Variants in CGA observed in about 807,000 individuals in gnomAD.
The protein encoded by CGA is glycoprotein hormones alpha chain.
In CGA, 4 loss-of-function variants were observed where a neutral mutation model predicts 12.0. The observed-to-expected ratio is 0.33, with a 90% CI of 0.16 to 0.76. The LOEUF (loss-of-function observed/expected upper bound fraction) is 0.76. Among genes scored for constraint, CGA ranks in the 30% least tolerant of loss-of-function variants. CGA has a pLI of 0.60. For synonymous variants in CGA, 60 were observed against 56.6 expected, an observed-to-expected ratio of 1.06 and a Z score of -0.27; for missense variants, 102 against 143.5, an observed-to-expected ratio of 0.71 and a Z score of 1.48.
chr6:87,087,892 G>A (rs1582319534), intron 2 of CGA: 5 of 335,362 alleles, frequency 1.5e-5, no homozygotes, highest in Non-Finnish European at 2.2e-5. Context: ...AAAATGTATA[G>A]GCTGCTGCAT....
chr6:87,085,767 GATA>G lies in CGA; in HGVS notation c.337_339del (p.Tyr113del), dbSNP rs1429634259. ...ACTTGGTAAAACATTTAAGATTTGT[GATA>G]ATAACAAGTACTGCAGTGGCACGCC... On this transcript the variant is annotated inframe_deletion, in exon 4 of 4. Transcript: ENST00000627148. 6.2e-7 allele frequency: 1 copy of G among 1,609,346 alleles called. No homozygotes were observed. The highest frequency in any genetic ancestry group is 1.7e-5 in the Admixed American group (1 of 59,950).
intron 1 of CGA, 40 bp from the exon 2 acceptor site, chr6:87,088,247 G>C: frequency 8.4e-7 from 1 of 1,188,900 alleles, no homozygotes; most frequent in Non-Finnish European, 1.2e-6. Context: ...ACAAAAAACA[G>C]TTAATCTAAA....
chr6:87,089,898 A>C (rs1391890495), intron 1 of CGA, among the ~76,000 whole-genome samples: 2 of 152,214 alleles, frequency 1.3e-5, no homozygotes, highest in Non-Finnish European at 2.9e-5. Flanking sequence ...AATTACCTTC[A>C]GGCTATGTGT....
chr6:87,088,622 A>C (rs902962927), intron 1 of CGA, among the ~76,000 whole-genome samples: 1 of 152,190 alleles, frequency 6.6e-6, no homozygotes, highest in African/African-American at 2.4e-5. Context: ...TAAAATATAC[A>C]ATCATTTGAT....
rs573675107 is a variant in CGA at position 87,085,739 on chromosome 6, A to G, written c.*17T>C. ...CCAGAAAATCAGCAGTCATCAAGAC[A>G]GCACTTGGTAAAACATTTAAGATTT... On this transcript the variant is annotated 3_prime_UTR_variant, in exon 4 of 4. Coordinates refer to ENST00000627148, the MANE Select transcript of CGA (RefSeq NM_000735.4). 1.3e-6 allele frequency: 2 copies of G among 1,567,742 alleles called. No homozygotes were observed. The highest frequency in any genetic ancestry group is 3.3e-5 in the Admixed American group (2 of 59,780).
chr6:87,090,644 T>G (rs1216187826), intron 1 of CGA, among the ~76,000 whole-genome samples: 1 of 150,046 alleles, frequency 6.7e-6, no homozygotes, highest in Non-Finnish European at 1.5e-5. Context: ...ATAATTTTTT[T>G]TTTGTTTTTT....
rs1019559864 is a variant in CGA, at chr6:87,088,056, G to A, written c.88+57C>T. 5.5e-6 allele frequency: 5 copies of A among 901,660 alleles called. No individual in the cohort carries two copies. The Admixed American group carries it at 7.5e-5, about 13-fold the overall frequency. 55.9% of individuals were successfully genotyped at this position (901,660 alleles called of 1,614,324 possible). On this transcript the variant is annotated intron_variant, in intron 2 of 3. Coordinates refer to ENST00000627148, the MANE Select transcript of CGA (RefSeq NM_000735.4). ...AAATGTAATTAATGGAGTTATTGAT[G>A]TACATCTAGAAATGTGTGTTGTCCT...
chr6:87,094,501 G>A (rs985030227), intron 1 of CGA, among the ~76,000 whole-genome samples: 16 of 152,096 alleles, frequency 1.1e-4, no homozygotes, highest in African/African-American at 7.2e-5. Flanking sequence ...TGAAAACAAC[G>A]ACATTCAAGA....
chr6:87,091,799 C>A lies in CGA; in HGVS notation c.-8+3214G>T, dbSNP rs542899324. Among the ~76,000 whole-genome samples the A allele has an allele frequency of 1.1e-4, 17 of 152,334 alleles. No homozygotes were observed. The East Asian group carries it at 1.2e-3, about 10-fold the overall frequency. ...CCAACCCCAAAGACAAAATAAATAT[C>A]TTTCTCCACTGCACTCACTTATCAC... On this transcript the variant is annotated intron_variant, in intron 1 of 3. Transcript: ENST00000627148.
chr6:87,090,002 T>G (rs544713734), intron 1 of CGA, among the ~76,000 whole-genome samples: 4 of 152,246 alleles, frequency 2.6e-5, no homozygotes, highest in African/African-American at 9.6e-5. Context: ...CAAAAAAAAT[T>G]AAAATCTAAA....
intron 1 of CGA, among the ~76,000 whole-genome samples, chr6:87,094,280 G>C (rs1330009657): frequency 2.0e-5 from 3 of 152,116 alleles, no homozygotes; most frequent in Admixed American, 6.6e-5. Flanking sequence ...GACAAAAAAG[G>C]TCTTTTATTT....
intron 2 of CGA, among the ~76,000 whole-genome samples, chr6:87,087,291 T>G (rs1008889509): frequency 6.6e-6 from 1 of 152,206 alleles, no homozygotes; most frequent in Admixed American, 6.5e-5. Context: ...AAACAAACAT[T>G]TTTTACAGAT....
At chr6:87,094,089 A>G (rs1458213894) in intron 1 of CGA, among the ~76,000 whole-genome samples, 2 of 61,828 alleles carry the variant, frequency 3.2e-5, no homozygotes, top group African/African-American at 4.3e-4. Flanking sequence ...AGAAACTTTA[A>G]AAGATTCCTT....
At chr6:87,088,368 T>C (rs1769367525) in intron 1 of CGA, among the ~76,000 whole-genome samples, 161 bp from the exon 2 acceptor site, 1 of 152,250 alleles carries the variant, frequency 6.6e-6, no homozygotes, top group Admixed American at 6.5e-5. Flanking sequence ...TAAAACCATG[T>C]AATTTTTTTT....
intron 1 of CGA, among the ~76,000 whole-genome samples, chr6:87,089,416 C>T (rs769920242): frequency 5.9e-5 from 9 of 151,986 alleles, no homozygotes; most frequent in Non-Finnish European, 1.3e-4. Flanking sequence ...GCTGTATAGG[C>T]GGCAGCAATG....
chr6:87,093,899 C>A (rs1582323551), intron 1 of CGA, among the ~76,000 whole-genome samples: 1 of 152,004 alleles, frequency 6.6e-6, no homozygotes, highest in Non-Finnish European at 1.5e-5. Context: ...AAATAATAAA[C>A]TTAAGAAAAC....
At chr6:87,092,523 A>G (rs987245558) in intron 1 of CGA, among the ~76,000 whole-genome samples, 78 of 146,964 alleles carry the variant, frequency 5.3e-4, no homozygotes, top group Admixed American at 2.1e-3. Flanking sequence ...GAAAACAAAA[A>G]AGAGAGAGAG....
chr6:87,093,320 T>C lies in CGA; in HGVS notation c.-8+1693A>G, dbSNP rs555362488. ...ATGCTGTTTCAGTTATCTTGTCTAA[T>C]TTGATTTCTAACATTGTTATTGATT... On this transcript the variant is annotated intron_variant, in intron 1 of 3. Transcript: ENST00000627148. Among the ~76,000 whole-genome samples the C allele has an allele frequency of 2.6e-5, 4 of 152,332 alleles. No individual in the cohort carries two copies. In the South Asian group the frequency reaches 8.3e-4, roughly 32 times the overall value.
chr6:87,086,076 C>G lies in CGA; in HGVS notation c.273+174G>C. On this transcript the variant is annotated intron_variant, in intron 3 of 3. Transcript: ENST00000627148. Reference sequence around the variant, plus strand: ...ATTCTGAATAAATCCAGTCTATACCCACAAGACAATTGACTCTTTTAATTA... The same window carrying G: ...ATTCTGAATAAATCCAGTCTATACCGACAAGACAATTGACTCTTTTAATTA... 4.4e-6 allele frequency: 3 copies of G among 676,900 alleles called. No individual in the cohort carries two copies. In the Admixed American group the frequency reaches 8.7e-5, roughly 20 times the overall value. 41.9% of individuals were successfully genotyped at this position (676,900 alleles called of 1,614,324 possible).
Sources: allele counts gnomAD v4.1 joint callset (sites outside exome capture counted in the v4.1 genomes callset), GRCh38; gene constraint gnomAD v4.1.1; transcripts MANE v1.5; gene names NCBI Gene and HGNC (gene_info 2026-07-23, HGNC 2026-07-21).